LRRK2: variants seen among roughly 807,000 people sequenced by gnomAD.
LRRK2 encodes the protein leucine rich repeat kinase 2.
Under a neutral mutation model 302.6 loss-of-function variants are expected in LRRK2, and 203 were observed. The ratio of observed to expected loss-of-function variants is 0.67; its 90% confidence interval spans 0.60 to 0.75. The LOEUF is 0.75. Among genes scored for constraint, LRRK2 ranks in the 30% least tolerant of loss-of-function variants. LRRK2 has a pLI of 0.00. For synonymous variants in LRRK2, 1,066 were observed against 1,031.9 expected (o/e 1.03, Z -0.63); for missense variants, 2,830 against 2,951.0 (o/e 0.96, Z 0.95).
At chr12:40,342,491 T>TTG (rs1354631563) in intron 41 of LRRK2, among the ~76,000 whole-genome samples, 1 of 151,676 alleles carries the variant, frequency 6.6e-6, no homozygotes, top group Non-Finnish European at 1.5e-5. Flanking sequence ...TTTTTTTTTT[T>TTG]TCTGGCTGTA....
rs1159975768 is a variant in LRRK2 at position 40,283,900 on chromosome 12, A to G, written c.2267A>G (p.Lys756Arg). 4 of 1,613,086 alleles carry G rather than the reference A, an allele frequency of 2.5e-6. No individual in the cohort carries two copies. The highest frequency in any genetic ancestry group is 1.3e-5 in the African/African-American group (1 of 74,884). The change falls in exon 19 of 51, where the codon AAA (lysine) becomes AGA (arginine). Residue 756 changes from lysine (K) to arginine (R), a missense_variant. Lys to Arg is a conservative substitution (Grantham distance 26). Coordinates refer to ENST00000298910, the MANE Select transcript of LRRK2 (RefSeq NM_198578.4). ...CQVCEKESSP[K>R]LVELLLNSGS... ...GTATGTGAGAAAGAGAGCAGTCCCA[A>G]ATTGGTGGAACTCTTACTGAATAGT...
intron 16 of LRRK2, among the ~76,000 whole-genome samples, chr12:40,275,637 G>T (rs1592204786): frequency 6.7e-6 from 1 of 150,214 alleles, no homozygotes. Flanking sequence ...TTGGAGACAG[G>T]GTCTCACTCT....
Position 40,278,194 on chromosome 12 carries a change from T to C in LRRK2, c.2174T>C (p.Val725Ala), listed in dbSNP as rs754905532. The C allele has an allele frequency of 5.0e-6, 8 of 1,613,974 alleles. No homozygotes were observed. The highest frequency in any genetic ancestry group is 2.7e-5 in the African/African-American group (2 of 74,928). The change falls in exon 18 of 51, where the codon GTT becomes GCT. Residue 725 changes from valine (V) to alanine (A), a missense_variant. Physicochemically the swap from Val to Ala is moderately conservative, Grantham distance 64 (BLOSUM62 0). Coordinates refer to ENST00000298910, the MANE Select transcript of LRRK2 (RefSeq NM_198578.4). Reference protein sequence around the residue: ...RACDQNNSIMVECLLLLGADA... With the variant: ...RACDQNNSIMAECLLLLGADA... ...TGTGATCAGAATAACAGCATCATGG[T>C]TGAATGCTTGCTTCTATTGGGAGCA...
At chr12:40,357,898 G>A (rs769505283) in intron 46 of LRRK2, among the ~76,000 whole-genome samples, 1 of 151,066 alleles carries the variant, frequency 6.6e-6, no homozygotes, top group Non-Finnish European at 1.5e-5. Context: ...TCAGCTTCAC[G>A]AGTAGCTGGG....
intron 30 of LRRK2, 119 bp from the exon 31 acceptor site, chr12:40,310,312 A>T: frequency 1.1e-6 from 1 of 924,228 alleles, no homozygotes; most frequent in Non-Finnish European, 1.8e-6. Context: ...TCTTCTTCTG[A>T]AGTCTGCTAG....
At chr12:40,308,154 T>G (rs1370343895) in intron 28 of LRRK2, among the ~76,000 whole-genome samples, 7 of 152,180 alleles carry the variant, frequency 4.6e-5, no homozygotes, top group Non-Finnish European at 8.8e-5. Flanking sequence ...TGTGTATATA[T>G]AGAGGTATAT....
chr12:40,245,841 A>G (rs1256691264), intron 7 of LRRK2, among the ~76,000 whole-genome samples: 1 of 152,042 alleles, frequency 6.6e-6, no homozygotes, highest in African/African-American at 2.4e-5. Flanking sequence ...TAATTCTGAC[A>G]ATTTGTTTCT....
At chr12:40,316,862 C>A (rs527236796) in intron 33 of LRRK2, among the ~76,000 whole-genome samples, 1 of 152,120 alleles carries the variant, frequency 6.6e-6, no homozygotes, top group Non-Finnish European at 1.5e-5. Context: ...ATATATCCAG[C>A]AATTTTGTTG....
chr12:40,355,416 G>C (rs2162472), intron 45 of LRRK2, among the ~76,000 whole-genome samples: 116,205 of 151,448 alleles, frequency 0.77, 45,431 homozygotes, highest in Non-Finnish European at 0.85. Flanking sequence ...TTGTCAATGT[G>C]ATTAGGCCAT....
intron 11 of LRRK2, among the ~76,000 whole-genome samples, chr12:40,253,218 A>G (rs948043492): frequency 6.6e-6 from 1 of 152,178 alleles, no homozygotes; most frequent in Non-Finnish European, 1.5e-5. Context: ...CATTTGTTGT[A>G]TATTTTTCCG....
At chr12:40,342,596 A>G (rs1184576190) in intron 41 of LRRK2, among the ~76,000 whole-genome samples, 1 of 151,920 alleles carries the variant, frequency 6.6e-6, no homozygotes, top group Non-Finnish European at 1.5e-5. Flanking sequence ...TTAAATAACA[A>G]TAACTCCCAC....
intron 2 of LRRK2, among the ~76,000 whole-genome samples, chr12:40,231,807 A>C (rs116644875): frequency 6.8e-6 from 1 of 146,858 alleles, no homozygotes; most frequent in African/African-American, 2.5e-5. Flanking sequence ...ATATATATAT[A>C]ATATATATAT....
At chr12:40,331,376 G>A (rs1485147064) in intron 39 of LRRK2, among the ~76,000 whole-genome samples, 1 of 152,160 alleles carries the variant, frequency 6.6e-6, no homozygotes, top group Non-Finnish European at 1.5e-5. Context: ...GACCATACCT[G>A]CCAAAGGAAG....
intron 13 of LRRK2, among the ~76,000 whole-genome samples, chr12:40,260,895 G>C (rs1168907515): frequency 1.3e-5 from 2 of 152,136 alleles, no homozygotes; most frequent in East Asian, 3.8e-4. Context: ...ATCTTTTGAA[G>C]TCATTTTTGC....
intron 42 of LRRK2, among the ~76,000 whole-genome samples, chr12:40,347,695 G>A (rs1946233120): frequency 6.6e-6 from 1 of 152,178 alleles, no homozygotes; most frequent in African/African-American, 2.4e-5. Flanking sequence ...GGGTACAGTG[G>A]CTTACGCCTG....
rs956249892 is a variant in LRRK2, at chr12:40,351,470, A to G, written c.6382-69A>G. On this transcript the variant is annotated intron_variant, in intron 43 of 50. Coordinates refer to ENST00000298910, the MANE Select transcript of LRRK2 (RefSeq NM_198578.4). Reference sequence around the variant, plus strand: ...TGACAGAGCTATAACACTTCAGTCTATATTTGATTTTTCAAGGGAAATGAG... The same window carrying G: ...TGACAGAGCTATAACACTTCAGTCTGTATTTGATTTTTCAAGGGAAATGAG... 1.2e-4 allele frequency: 179 copies of G among 1,463,080 alleles called. No individual in the cohort carries two copies. In the African/African-American group the frequency reaches 1.3e-3, roughly 10 times the overall value. 90.6% of individuals were successfully genotyped at this position (1,463,080 alleles called of 1,614,324 possible). A position where few individuals can be genotyped will look rare whatever the true frequency, so the allele number is the denominator to read the frequency against.
intron 49 of LRRK2, chr12:40,365,289 C>G: frequency 2.2e-6 from 1 of 457,906 alleles, no homozygotes; most frequent in Non-Finnish European, 3.9e-6. Flanking sequence ...CAGTTTGGGT[C>G]TTACTTGCTT....
chr12:40,346,195 T>G (rs957878866), intron 41 of LRRK2, among the ~76,000 whole-genome samples: 1 of 152,116 alleles, frequency 6.6e-6, no homozygotes, highest in African/African-American at 2.4e-5. Flanking sequence ...GGCTTTTTTT[T>G]TTGTTTTAGT....
At chr12:40,366,835 T>A (rs903342024) in intron 49 of LRRK2, 171 bp from the exon 50 acceptor site, 17 of 548,364 alleles carry the variant, frequency 3.1e-5, no homozygotes, top group African/African-American at 3.1e-4. Context: ...TGTTATTTTT[T>A]AAAAAAATGC....
Sources: gnomAD v4.1 joint callset for allele counts (sites outside exome capture counted in the v4.1 genomes callset) on GRCh38, gnomAD v4.1.1 for gene constraint, MANE v1.5 for transcripts, NCBI Gene and HGNC (gene_info 2026-07-23, HGNC 2026-07-21) for gene names.